The following ESCO1 variants were observed in gnomAD, a reference collection of about 807,000 sequenced individuals.
ESCO1 encodes N-acetyltransferase ESCO1.
ESCO1 carries 33 observed loss-of-function variants against 83.5 expected under a neutral mutation model. That is an observed-to-expected ratio of 0.40 (90% confidence interval 0.30 to 0.53). ESCO1 has a LOEUF of 0.53. Among genes scored for constraint, ESCO1 ranks in the 20% least tolerant of loss-of-function variants. ESCO1 has a pLI of 0.63. For missense variants in ESCO1, 855 were observed against 968.0 expected, an observed-to-expected ratio of 0.88 and a Z score of 1.55; for synonymous variants, 332 against 324.3, an observed-to-expected ratio of 1.02 and a Z score of -0.25.
chr18:21,575,892 C>G (rs1320475590), intron 2 of ESCO1, 115 bp from the exon 3 acceptor site: 1 of 315,998 alleles, frequency 3.2e-6, no homozygotes, highest in African/African-American at 2.9e-5. Context: ...TACCATTAGT[C>G]ATTATTTCCT....
chr18:21,562,483 AT>A lies in ESCO1; in HGVS notation c.1822-1494del, dbSNP rs766435472. Among the ~76,000 whole-genome samples the A allele has an allele frequency of 1.2e-3, 162 of 136,620 alleles. 1 individual carries two copies. The highest frequency in any genetic ancestry group is 2.3e-3 in the Non-Finnish European group (141 of 62,572). The allele number at this position is 136,620 out of a possible 152,430, so 89.6% of individuals were successfully genotyped here. A position where few individuals can be genotyped will look rare whatever the true frequency, so the allele number is the denominator to read the frequency against. ...TCCGTCTTACAAAAAAAAAAAAAAA[AT>A]TAACAATTAGCTGTGTGTGGTGACG... is the stretch of plus-strand genomic sequence containing the variant. On this transcript the variant is annotated intron_variant, in intron 7 of 11. Coordinates refer to ENST00000269214, the MANE Select transcript of ESCO1 (RefSeq NM_052911.3).
At position 21,574,134 on chromosome 18, in the gene ESCO1, G is replaced by C; in HGVS notation, c.710C>G (p.Thr237Arg). The change falls in exon 4 of 12, where the codon ACG becomes AGG. Residue 237 changes from threonine (T) to arginine (R), a missense_variant. Physicochemically the swap from Thr to Arg is moderately conservative, Grantham distance 71. Coordinates refer to ENST00000269214, the MANE Select transcript of ESCO1 (RefSeq NM_052911.3). The stretch of plus-strand genomic sequence containing the variant: ...CTCAGAAGTTACAGGCACAGGTTTC[G>C]TTTCGTCTCTTCTAGTAGTCTTCTG... The part of the protein sequence containing the change: ...CPQKTTRRDE[T>R]KPVPVTSEVK... 2 of 1,613,666 alleles carry C rather than the reference G, an allele frequency of 1.2e-6. No individual in the cohort carries two copies. Among genetic ancestry groups the C allele is most frequent in the South Asian group, 2.2e-5 (2 of 91,082 alleles).
chr18:21,593,823 A>C (rs1222494711), intron 1 of ESCO1, among the ~76,000 whole-genome samples: 2 of 152,112 alleles, frequency 1.3e-5, no homozygotes, highest in East Asian at 1.9e-4. Context: ...AAAAAAAAAA[A>C]AAAACCTTAG....
At chr18:21,553,958 A>G (rs932763480) in intron 8 of ESCO1, among the ~76,000 whole-genome samples, 6 of 151,972 alleles carry the variant, frequency 3.9e-5, no homozygotes, top group Admixed American at 2.0e-4. Flanking sequence ...TGATTGAAAA[A>G]TTAAAATTAA....
intron 10 of ESCO1, among the ~76,000 whole-genome samples, chr18:21,534,386 ACT>A (rs1210466620): frequency 6.6e-6 from 1 of 152,230 alleles, no homozygotes; most frequent in African/African-American, 2.4e-5. Flanking sequence ...CACAATGTAC[ACT>A]GAGTTCATGA....
At chr18:21,549,446 G>A (rs771160685) in intron 8 of ESCO1, among the ~76,000 whole-genome samples, 1 of 151,734 alleles carries the variant, frequency 6.6e-6, no homozygotes, top group Non-Finnish European at 1.5e-5. Flanking sequence ...ACGGAGTCTC[G>A]CTCTGTTGCC....
intron 8 of ESCO1, among the ~76,000 whole-genome samples, chr18:21,558,991 G>A (rs2038148609): frequency 6.6e-6 from 1 of 152,138 alleles, no homozygotes; most frequent in Non-Finnish European, 1.5e-5. Context: ...GGCATAAAAT[G>A]AAAAGCCCAA....
In ESCO1 at chr18:21,574,666, G is replaced by A. The variant is rs756212277; in HGVS notation, c.178C>T (p.Pro60Ser). The A allele has an allele frequency of 9.3e-6, 15 of 1,613,476 alleles. No homozygotes were observed. The highest frequency in any genetic ancestry group is 1.3e-5 in the Non-Finnish European group (15 of 1,179,978). Residue 60 changes from proline (P) to serine (S), a missense_variant, in exon 4 of 12, where the codon CCA (proline) becomes TCA (serine). Pro to Ser is a moderately conservative substitution (Grantham distance 74, BLOSUM62 -1). This residue lies in a region of ESCO1 where 726 missense variants were observed against 699.5 expected (regional missense o/e 1.04). Transcript: ENST00000269214. ...KSSSESKINQ[P>S]ELETRMSTRS... ...GTACTCATGCGTGTTTCCAATTCTGGCTGATTTATTTTACTTTCACTGGAA... is the reference window on the plus strand; with the variant it reads ...GTACTCATGCGTGTTTCCAATTCTGACTGATTTATTTTACTTTCACTGGAA...
rs550861984 is a variant in ESCO1, at chr18:21,535,942, C to A, written c.2187+100G>T. The A allele has an allele frequency of 1.1e-5, 15 of 1,425,332 alleles. No individual in the cohort carries two copies. The East Asian group carries it at 1.2e-4, about 11-fold the overall frequency. The allele number at this position is 1,425,332 out of a possible 1,614,324, so 88.3% of individuals were successfully genotyped here. A position where few individuals can be genotyped will look rare whatever the true frequency, so the allele number is the denominator to read the frequency against. ...ATTCTTGCATTAAAACTGATCTTTA[C>A]ATGAAATGGAGACAAATTTATCAGG... On this transcript the variant is annotated intron_variant, in intron 10 of 11. Coordinates refer to ENST00000269214, the MANE Select transcript of ESCO1 (RefSeq NM_052911.3).
intron 11 of ESCO1, 63 bp from the exon 12 acceptor site, chr18:21,530,553 T>A: frequency 7.2e-7 from 1 of 1,390,760 alleles, no homozygotes; most frequent in Non-Finnish European, 9.7e-7. Context: ...AAAAAAATTC[T>A]AATCATTAAA....
intron 2 of ESCO1, among the ~76,000 whole-genome samples, chr18:21,579,794 G>GCGCGCGCACACACA (rs1192534759): frequency 2.7e-5 from 1 of 37,124 alleles, no homozygotes; most frequent in African/African-American, 5.7e-5. Context: ...ACGCGCGCGC[G>GCGCGCGCACACACA]CACACACACA....
chr18:21,595,518 A>C (rs2038752303), intron 1 of ESCO1, among the ~76,000 whole-genome samples: 1 of 149,584 alleles, frequency 6.7e-6, no homozygotes, highest in African/African-American at 2.5e-5. Flanking sequence ...AAATACAAAA[A>C]ATTAGCCAGG....
At chr18:21,540,796 A>C (rs907070443) in intron 8 of ESCO1, 4 of 1,048,386 alleles carry the variant, frequency 3.8e-6, no homozygotes, top group Non-Finnish European at 4.7e-6. Context: ...GTTCAAAATA[A>C]GTACAGAAGG....
rs1229921428 is a variant in ESCO1 at position 21,532,569 on chromosome 18, G to C, written c.2279C>G (p.Thr760Arg). ...FERQKAWCCS[T>R]LPEPAICGIS... ...CCCGCAGATTGCAGGCTCTGGTAATGTTGAGCAGCACCAGGCTTTTTGCCT... is the reference window on the plus strand; with the variant it reads ...CCCGCAGATTGCAGGCTCTGGTAATCTTGAGCAGCACCAGGCTTTTTGCCT... Residue 760 changes from threonine to arginine, a missense_variant, in exon 11 of 12, where the codon ACA (threonine) becomes AGA (arginine). By Grantham distance (71) the Thr-to-Arg change is moderately conservative (BLOSUM62 -1). Transcript: ENST00000269214. 2 of 1,614,016 alleles carry C rather than the reference G, an allele frequency of 1.2e-6. No individual in the cohort carries two copies. Among genetic ancestry groups the C allele is most frequent in the Non-Finnish European group, 1.7e-6 (2 of 1,180,022 alleles).
intron 8 of ESCO1, among the ~76,000 whole-genome samples, chr18:21,554,400 T>C (rs2038085749): frequency 6.6e-6 from 1 of 152,194 alleles, no homozygotes; most frequent in South Asian, 2.1e-4. Flanking sequence ...AGTAGGTGAA[T>C]GGATAAACTG....
At chr18:21,576,311 C>A (rs541564726) in intron 2 of ESCO1, among the ~76,000 whole-genome samples, 1 of 152,128 alleles carries the variant, frequency 6.6e-6, no homozygotes, top group South Asian at 2.1e-4. Context: ...TTGTGACCAG[C>A]CTGGAGAATA....
intron 8 of ESCO1, among the ~76,000 whole-genome samples, chr18:21,543,301 T>C (rs1319342143): frequency 6.6e-6 from 1 of 152,148 alleles, no homozygotes; most frequent in African/African-American, 2.4e-5. Flanking sequence ...ATCACAGGCA[T>C]GTGCCACCAC....
chr18:21,571,819 T>C (rs993167305), intron 4 of ESCO1, among the ~76,000 whole-genome samples: 3 of 152,250 alleles, frequency 2.0e-5, no homozygotes, highest in Non-Finnish European at 4.4e-5. Context: ...TCACTACTTA[T>C]TTCTAATTAC....
chr18:21,569,324 G>A (rs1568104575), intron 4 of ESCO1, among the ~76,000 whole-genome samples: 4 of 152,174 alleles, frequency 2.6e-5, no homozygotes, highest in South Asian at 4.1e-4. Context: ...CAGGCGGGGC[G>A]TGGTGGCTCA....
Sources: allele counts gnomAD v4.1 joint callset (sites outside exome capture counted in the v4.1 genomes callset), GRCh38; gene constraint gnomAD v4.1.1; regional missense constraint gnomAD v4.1.1; transcripts MANE v1.5; gene names NCBI Gene and HGNC (gene_info 2026-07-23, HGNC 2026-07-21).